Variants in TMC1 observed in about 807,000 individuals in gnomAD.
TMC1 encodes transmembrane channel like 1.
TMC1 carries 84 observed loss-of-function variants against 105.8 expected under a neutral mutation model. The ratio of observed to expected loss-of-function variants is 0.79; its 90% CI spans 0.67 to 0.95. The LOEUF (loss-of-function observed/expected upper bound fraction) is 0.95, where lower values mean the gene tolerates loss of function less well. Among genes scored for constraint, TMC1 ranks in the 40% least tolerant of loss-of-function variants. TMC1 has a pLI of 0.00. For synonymous variants in TMC1, 315 were observed against 311.5 expected (o/e 1.01, Z -0.12); for missense variants, 817 against 914.1 (o/e 0.89, Z 1.37).
rs116852248 is a variant in TMC1, at chr9:72,531,816, C to G, written c.-428+9903C>G. On this transcript the variant is annotated intron_variant, in intron 1 of 23. Transcript: ENST00000297784. ...CTTCAATTGGAAAATGCCCTCAATTCAAAAATGCTCCAAGTGCCAAGCTTT... is the reference window on the plus strand; with the variant it reads ...CTTCAATTGGAAAATGCCCTCAATTGAAAAATGCTCCAAGTGCCAAGCTTT... Among the ~76,000 whole-genome samples, 808 of 152,258 alleles carry G rather than the reference C, an allele frequency of 5.3e-3. 3 individuals are homozygous for G. Among genetic ancestry groups the G allele is most frequent in the Non-Finnish European group, 9.1e-3 (616 of 68,012 alleles).
chr9:72,595,673 C>CTTT (rs71357596), intron 2 of TMC1, among the ~76,000 whole-genome samples: 5 of 124,086 alleles, frequency 4.0e-5, no homozygotes, highest in Non-Finnish European at 5.0e-5. Flanking sequence ...CAACTCTCAA[C>CTTT]TTTTTTTTTT....
At chr9:72,818,664 T>C (rs1588099519) in intron 19 of TMC1, 1 of 152,240 alleles carries the variant, frequency 6.6e-6, no homozygotes, top group Admixed American at 6.5e-5. Context: ...GCTTTCATTT[T>C]CTTTGATCTT....
chr9:72,610,274 A>T (rs1407449687), intron 2 of TMC1, among the ~76,000 whole-genome samples: 2 of 152,208 alleles, frequency 1.3e-5, no homozygotes, highest in Non-Finnish European at 2.9e-5. Context: ...AACAGAATCA[A>T]TAAAGTATAC....
At chr9:72,580,794 A>T (rs1395076365) in intron 2 of TMC1, among the ~76,000 whole-genome samples, 1 of 152,204 alleles carries the variant, frequency 6.6e-6, no homozygotes, top group African/African-American at 2.4e-5. Flanking sequence ...TTTAACATTA[A>T]ATTGTGTCTC....
chr9:72,532,221 A>G (rs996760415), intron 1 of TMC1, among the ~76,000 whole-genome samples: 1 of 152,048 alleles, frequency 6.6e-6, no homozygotes, highest in Non-Finnish European at 1.5e-5. Context: ...ATTAGCCACC[A>G]TACCCAGCCT....
chr9:72,586,969 C>T (rs1227190030), intron 2 of TMC1, among the ~76,000 whole-genome samples: 1 of 152,142 alleles, frequency 6.6e-6, no homozygotes, highest in Non-Finnish European at 1.5e-5. Flanking sequence ...TCTCTCCCAT[C>T]AACAAGGGAC....
intron 2 of TMC1, among the ~76,000 whole-genome samples, chr9:72,612,844 A>G (rs907976816): frequency 1.3e-5 from 2 of 152,168 alleles, no homozygotes; most frequent in African/African-American, 4.8e-5. Context: ...GATAAAATCC[A>G]GGGATACTGC....
rs71495332 is a variant in TMC1, at chr9:72,677,129, T to TACACACAC, written c.17-11552_17-11545dup. Among the ~76,000 whole-genome samples, 500 of 145,220 alleles carry TACACACAC rather than the reference T, an allele frequency of 3.4e-3. 2 individuals carry two copies. Among genetic ancestry groups the TACACACAC allele is most frequent in the African/African-American group, 4.4e-3 (173 of 39,562 alleles). The stretch of plus-strand genomic sequence containing the variant: ...CAGGGCACTCTAGGGGAACAGAAAT[T>TACACACAC]ACACACACACACACACACACACACA... On this transcript the variant is annotated intron_variant, in intron 5 of 23. Transcript: ENST00000297784.
intron 12 of TMC1, among the ~76,000 whole-genome samples, chr9:72,771,343 A>G (rs1363493243): frequency 6.6e-6 from 1 of 152,110 alleles, no homozygotes; most frequent in African/African-American, 2.4e-5. Flanking sequence ...GTTTAAGGCA[A>G]TTTTCTAAAT....
At chr9:72,785,270 A>T (rs1302040117) in intron 13 of TMC1, among the ~76,000 whole-genome samples, 2 of 152,196 alleles carry the variant, frequency 1.3e-5, no homozygotes, top group Non-Finnish European at 2.9e-5. Context: ...TCATGTCTTC[A>T]GTCCACATAT....
At chr9:72,688,301 G>C (rs934973520) in intron 5 of TMC1, among the ~76,000 whole-genome samples, 7 of 152,024 alleles carry the variant, frequency 4.6e-5, no homozygotes, top group Non-Finnish European at 1.0e-4. Context: ...AGTTAATTTG[G>C]TTATTAACCT....
intron 13 of TMC1, among the ~76,000 whole-genome samples, chr9:72,779,344 C>A (rs565443559): frequency 9.8e-5 from 15 of 152,328 alleles, no homozygotes; most frequent in Admixed American, 2.6e-4. Flanking sequence ...TGGGGCAACT[C>A]AAAAAGCCGG....
chr9:72,789,955 C>T (rs554851823), intron 15 of TMC1, among the ~76,000 whole-genome samples: 19 of 152,266 alleles, frequency 1.2e-4, no homozygotes, highest in African/African-American at 4.6e-4. Context: ...AAGGCCAGCT[C>T]TTTTCCAGGA....
intron 8 of TMC1, among the ~76,000 whole-genome samples, chr9:72,721,866 T>A (rs1294614706): frequency 6.6e-6 from 1 of 152,218 alleles, no homozygotes; most frequent in Non-Finnish European, 1.5e-5. Context: ...ACTATAGTCA[T>A]GGAGTTCTTT....
At chr9:72,733,602 G>A (rs576268531) in intron 8 of TMC1, among the ~76,000 whole-genome samples, 2 of 152,162 alleles carry the variant, frequency 1.3e-5, no homozygotes, top group East Asian at 1.9e-4. Context: ...AAGGCTCCCC[G>A]TGGATTCCTA....
At chr9:72,720,335 G>A (rs764387630) in intron 8 of TMC1, among the ~76,000 whole-genome samples, 19 of 152,170 alleles carry the variant, frequency 1.2e-4, no homozygotes, top group Non-Finnish European at 2.4e-4. Context: ...CAAATCACAT[G>A]GCTTAGTAAG....
At chr9:72,718,854 C>T (rs1457368728) in intron 8 of TMC1, among the ~76,000 whole-genome samples, 1 of 152,120 alleles carries the variant, frequency 6.6e-6, no homozygotes, top group Non-Finnish European at 1.5e-5. Flanking sequence ...CGAATGACCT[C>T]AGACTCTCCT....
chr9:72,608,275 A>C (rs2091006639), intron 2 of TMC1, among the ~76,000 whole-genome samples: 1 of 152,232 alleles, frequency 6.6e-6, no homozygotes, highest in African/African-American at 2.4e-5. Context: ...TCTTCAACAA[A>C]TTATCATGTC....
intron 9 of TMC1, 122 bp from the exon 10 acceptor site, chr9:72,742,322 T>C: frequency 1.3e-6 from 1 of 773,202 alleles, no homozygotes; most frequent in South Asian, 1.5e-5. Context: ...GACTAGAAAG[T>C]AGTATTTGCT....
Sources: allele counts gnomAD v4.1 joint callset (sites outside exome capture counted in the v4.1 genomes callset), GRCh38; gene constraint gnomAD v4.1.1; transcripts MANE v1.5; gene names NCBI Gene and HGNC (gene_info 2026-07-23, HGNC 2026-07-21).